The following RPS6KA2 variants were observed in gnomAD, a reference collection of about 807,000 sequenced individuals.
The protein encoded by RPS6KA2 is ribosomal protein S6 kinase A2, also known as ribosomal protein S6 kinase alpha-2.
Under a neutral mutation model 91.8 loss-of-function variants are expected in RPS6KA2, and 42 were observed. The observed-to-expected ratio is 0.46, with a 90% confidence interval of 0.36 to 0.59. RPS6KA2 has a LOEUF of 0.59. RPS6KA2 is among the 20% of genes least tolerant of loss of function. The pLI, the probability that RPS6KA2 is intolerant of heterozygous loss-of-function variation, is 0.00. For synonymous variants in RPS6KA2, 414 were observed against 393.6 expected, an observed-to-expected ratio of 1.05 and a Z score of -0.61; for missense variants, 798 against 978.5, an observed-to-expected ratio of 0.82 and a Z score of 2.46.
chr6:166,597,774 G>A lies in RPS6KA2; in HGVS notation c.99+29147C>T, dbSNP rs543696538. ...CATCAAGAGACAAGAAATATCCAAT[G>A]GGTGACGGCATCATCGAGAAGAGAA... is the stretch of plus-strand genomic sequence containing the variant. On this transcript the variant is annotated intron_variant, in intron 1 of 20. Coordinates refer to ENST00000265678, the MANE Select transcript of RPS6KA2 (RefSeq NM_021135.6). 3.5e-4 allele frequency among the ~76,000 whole-genome samples: 54 copies of A among 152,258 alleles called. 1 individual carries two copies. The South Asian group carries it at 8.5e-3, about 24-fold the overall frequency.
intron 2 of RPS6KA2, among the ~76,000 whole-genome samples, chr6:166,836,911 C>T (rs186793792): frequency 6.6e-6 from 1 of 152,202 alleles, no homozygotes; most frequent in Non-Finnish European, 1.5e-5. Context: ...GACCAGGCCT[C>T]GCTGCTTGGT....
At chr6:166,476,109 A>G (rs1000811347) in intron 10 of RPS6KA2, among the ~76,000 whole-genome samples, 1 of 152,160 alleles carries the variant, frequency 6.6e-6, no homozygotes, top group African/African-American at 2.4e-5. Flanking sequence ...TGTCCCTAGA[A>G]CAAGGGGAAA....
chr6:166,510,562 TA>T (rs1192450336), intron 3 of RPS6KA2, among the ~76,000 whole-genome samples: 16 of 12,594 alleles, frequency 1.3e-3, no homozygotes, highest in Non-Finnish European at 2.7e-3. Flanking sequence ...CTCATATATA[TA>T]TATATATATA....
intron 3 of RPS6KA2, among the ~76,000 whole-genome samples, chr6:166,521,666 G>C (rs574503251): frequency 1.3e-5 from 2 of 152,184 alleles, no homozygotes; most frequent in Non-Finnish European, 2.9e-5. Context: ...CAGAGAGATC[G>C]CAGAGATACT....
chr6:166,812,485 C>T (rs1412227417), intron 2 of RPS6KA2, among the ~76,000 whole-genome samples: 1 of 152,196 alleles, frequency 6.6e-6, no homozygotes, highest in Admixed American at 6.5e-5. Flanking sequence ...AGAGGCCTTC[C>T]CAGGGGCTGA....
Position 166,665,336 on chromosome 6 carries a change from G to A in RPS6KA2, c.124-126552C>T. Reference sequence around the variant, plus strand: ...GATGTTAAGAATACTAATGAAGGATGAACTGAGTCTCTCTGCAGCTGCCTC... The same window carrying A: ...GATGTTAAGAATACTAATGAAGGATAAACTGAGTCTCTCTGCAGCTGCCTC... On this transcript the variant is annotated intron_variant, in intron 2 of 21. Coordinates refer to the RPS6KA2 transcript ENST00000503859. The surrounding 1 kb of genome is among the most constrained non-coding windows in gnomAD (Gnocchi z 4.5). 6.6e-6 allele frequency among the ~76,000 whole-genome samples: 1 copy of A among 152,174 alleles called. No homozygotes were observed. The highest frequency in any genetic ancestry group is 1.5e-5 in the Non-Finnish European group (1 of 68,032).
intron 10 of RPS6KA2, among the ~76,000 whole-genome samples, chr6:166,474,124 G>A (rs372394441): frequency 4.6e-5 from 7 of 152,142 alleles, no homozygotes; most frequent in East Asian, 1.9e-4. Flanking sequence ...GGTCTCTAGC[G>A]GCTCCCTAGG....
At chr6:166,436,245 T>A (rs1779299218) in intron 14 of RPS6KA2, among the ~76,000 whole-genome samples, 1 of 149,924 alleles carries the variant, frequency 6.7e-6, no homozygotes, top group Non-Finnish European at 1.5e-5. Flanking sequence ...TCACTGCGAG[T>A]CCGTGCCATG....
chr6:166,842,237 C>T (rs536735729), intron 2 of RPS6KA2, among the ~76,000 whole-genome samples: 15 of 152,324 alleles, frequency 9.8e-5, no homozygotes, highest in African/African-American at 3.4e-4. Context: ...CGTGAGTCTC[C>T]AACCCCCAGT....
chr6:166,810,386 C>G (rs1452230738), intron 2 of RPS6KA2, among the ~76,000 whole-genome samples: 1 of 152,160 alleles, frequency 6.6e-6, no homozygotes, highest in Non-Finnish European at 1.5e-5. Context: ...ATGGAAAGAT[C>G]TGAGCCCACG....
intron 3 of RPS6KA2, among the ~76,000 whole-genome samples, chr6:166,522,346 C>T (rs1043802684): frequency 3.3e-5 from 5 of 152,176 alleles, no homozygotes; most frequent in Non-Finnish European, 7.3e-5. Flanking sequence ...TAGTGGATGC[C>T]GCACTGACCG....
chr6:166,862,257 G>C, exon 1 of RPS6KA2: 1 of 1,602,540 alleles, frequency 6.2e-7, no homozygotes, highest in South Asian at 1.1e-5. Context: ...GGGACGGCCA[G>C]ACGGGATGTC....
intron 2 of RPS6KA2, among the ~76,000 whole-genome samples, chr6:166,535,962 CAGCGGCTTCGGAGAGCCTA>C (rs1218892671): frequency 3.3e-5 from 5 of 152,238 alleles, no homozygotes; most frequent in Non-Finnish European, 5.9e-5. Flanking sequence ...AGGTGAAGAG[CAGCGGCTTCGGAGAGCCTA>C]AGCGGCTCAC....
At chr6:166,701,876 A>T in intron 2 of RPS6KA2, 1 of 962,326 alleles carries the variant, frequency 1.0e-6, no homozygotes, top group Non-Finnish European at 1.7e-6. Flanking sequence ...ATACTGCATC[A>T]GTTCCTGCAA....
intron 3 of RPS6KA2, among the ~76,000 whole-genome samples, chr6:166,527,074 G>T (rs1224036336): frequency 6.6e-6 from 1 of 152,214 alleles, no homozygotes; most frequent in African/African-American, 2.4e-5. Flanking sequence ...CATCGAGATG[G>T]AGCGTTCTGC....
chr6:166,635,482 C>A lies in RPS6KA2; in HGVS notation c.124-96698G>T, dbSNP rs752368949. 6.6e-6 allele frequency among the ~76,000 whole-genome samples: 1 copy of A among 152,198 alleles called. No homozygotes were observed. Among genetic ancestry groups the A allele is most frequent in the African/African-American group, 2.4e-5 (1 of 41,446 alleles). On this transcript the variant is annotated intron_variant, in intron 2 of 21. Transcript: ENST00000503859. The surrounding 1 kb of genome is among the most constrained non-coding windows in gnomAD (Gnocchi z 4.8). ...ACATTCACAGGCTATGATGAGCAAGCGCCAGCCAGATACACAGGGACAGAC... is the reference window on the plus strand; with the variant it reads ...ACATTCACAGGCTATGATGAGCAAGAGCCAGCCAGATACACAGGGACAGAC...
intron 11 of RPS6KA2, among the ~76,000 whole-genome samples, chr6:166,461,355 G>C (rs1349407819): frequency 2.0e-5 from 3 of 151,898 alleles, no homozygotes; most frequent in Non-Finnish European, 4.4e-5. Flanking sequence ...TCCTGAGCTG[G>C]GAAGCCCAGG....
intron 2 of RPS6KA2, among the ~76,000 whole-genome samples, chr6:166,679,052 A>G (rs1329737578): frequency 6.6e-6 from 1 of 152,240 alleles, no homozygotes; most frequent in Non-Finnish European, 1.5e-5. Flanking sequence ...AACCTGGTTG[A>G]CCAATTACCA....
At chr6:166,742,814 T>G (rs1790853469) in intron 2 of RPS6KA2, among the ~76,000 whole-genome samples, 2 of 152,360 alleles carry the variant, frequency 1.3e-5, no homozygotes, top group South Asian at 2.1e-4. Flanking sequence ...AATGGAGCAC[T>G]CTGTGTCCCG....
Sources: gnomAD v4.1 joint callset for allele counts (sites outside exome capture counted in the v4.1 genomes callset) on GRCh38, gnomAD v4.1.1 for gene constraint, Gnocchi (gnomAD v3.1) non-coding constraint, MANE v1.5 for transcripts, NCBI Gene and HGNC (gene_info 2026-07-23, HGNC 2026-07-21) for gene names.